Variants in PAN3 observed in about 807,000 individuals in gnomAD.
PAN3 encodes poly(A) specific ribonuclease subunit PAN3.
PAN3 carries 19 observed loss-of-function variants against 96.2 expected under a neutral mutation model. The observed-to-expected ratio is 0.20, with a 90% confidence interval of 0.14 to 0.29. The LOEUF is 0.29. Among genes scored for constraint, PAN3 ranks in the 10% least tolerant of loss-of-function variants. The pLI is 1.00. For synonymous variants in PAN3, 433 were observed against 406.6 expected, an observed-to-expected ratio of 1.06 and a Z score of -0.78; for missense variants, 882 against 1,108.1, an observed-to-expected ratio of 0.80 and a Z score of 2.90.
intron 6 of PAN3, among the ~76,000 whole-genome samples, chr13:28,253,266 T>G (rs766366617): frequency 9.2e-5 from 14 of 152,134 alleles, no homozygotes; most frequent in Admixed American, 2.6e-4. Context: ...AACTACTTGT[T>G]CCTGTAGTGT....
intron 7 of PAN3, among the ~76,000 whole-genome samples, chr13:28,258,586 A>G (rs1195593109): frequency 6.6e-6 from 1 of 152,216 alleles, no homozygotes; most frequent in Non-Finnish European, 1.5e-5. Context: ...TAGTTTGGCC[A>G]CAAAATGCCT....
At chr13:28,190,224 C>T (rs1055751087) in intron 4 of PAN3, among the ~76,000 whole-genome samples, 11 of 152,178 alleles carry the variant, frequency 7.2e-5, no homozygotes, top group Admixed American at 6.5e-5. Context: ...GGATTACAGA[C>T]GTGAGCCACC....
intron 6 of PAN3, among the ~76,000 whole-genome samples, chr13:28,243,838 G>A (rs986149126): frequency 3.9e-5 from 6 of 151,946 alleles, no homozygotes; most frequent in Admixed American, 6.6e-5. Flanking sequence ...ACAGGTGTGC[G>A]CCACCACGCC....
In PAN3 at chr13:28,277,333, C is replaced by CTG; in HGVS notation, c.2147_2148dup (p.Val717TrpfsTer2). ...AGAGAATTTACAGAAAGCCATGGAA[C>CTG]TGGTGACAATCAACTATTCCTCTGA... On this transcript the variant is annotated frameshift_variant, in exon 15 of 19. Coordinates refer to ENST00000380958, the MANE Select transcript of PAN3 (RefSeq NM_175854.8). LOFTEE classifies it high-confidence loss of function. 6.2e-7 allele frequency: 1 copy of CTG among 1,613,346 alleles called. No homozygotes were observed. Among genetic ancestry groups the CTG allele is most frequent in the Non-Finnish European group, 8.5e-7 (1 of 1,179,628 alleles).
chr13:28,231,425 A>G lies in PAN3; in HGVS notation c.1000+11047A>G, dbSNP rs189123603. On this transcript the variant is annotated intron_variant, in intron 6 of 18. Coordinates refer to ENST00000380958, the MANE Select transcript of PAN3 (RefSeq NM_175854.8). ...CAGGTTAAATTCATCATATAAATTG[A>G]CATTATGTGCCTGAGTTTGGTCAAT... Among the ~76,000 whole-genome samples, 391 of 152,318 alleles carry G rather than the reference A, an allele frequency of 2.6e-3. 4 individuals carry two copies. The highest frequency in any genetic ancestry group is 0.01 in the Middle Eastern group (3 of 294).
chr13:28,239,504 T>C lies in PAN3; in HGVS notation c.1001-16788T>C. 3 of 813,606 alleles carry C rather than the reference T, an allele frequency of 3.7e-6. No homozygotes were observed. In the South Asian group the frequency reaches 5.0e-5, roughly 14 times the overall value. The allele number at this position is 813,606 out of a possible 1,614,324, so 50.4% of individuals were successfully genotyped here. A position where few individuals can be genotyped will look rare whatever the true frequency, so the allele number is the denominator to read the frequency against. ...AACTATTTTTTTGGACCCAGTAAGT[T>C]TGTCCTTTCCACTTGGGTGTTGAAA... On this transcript the variant is annotated intron_variant, in intron 6 of 18. Coordinates refer to ENST00000380958, the MANE Select transcript of PAN3 (RefSeq NM_175854.8).
intron 4 of PAN3, among the ~76,000 whole-genome samples, chr13:28,194,546 A>ATGCAACCTC (rs1489928921): frequency 7.4e-5 from 11 of 147,808 alleles, no homozygotes; most frequent in Middle Eastern, 3.6e-3. Flanking sequence ...TCTCGGCTCA[A>ATGCAACCTC]TGCAACCTCT....
rs114545525 is a variant in PAN3 at position 28,202,568 on chromosome 13, T to C, written c.852+5222T>C. Among the ~76,000 whole-genome samples, 1,249 of 152,270 alleles carry C rather than the reference T, an allele frequency of 8.2e-3. 24 individuals are homozygous for C. Among genetic ancestry groups the C allele is most frequent in the African/African-American group, 0.028 (1,182 of 41,554 alleles). ...ATTGTTAACTGAGCCTGAAAAATCTTCCTTCTTTTTCCTTTAAGAGATGGC... is the reference window on the plus strand; with the variant it reads ...ATTGTTAACTGAGCCTGAAAAATCTCCCTTCTTTTTCCTTTAAGAGATGGC... On this transcript the variant is annotated intron_variant, in intron 5 of 18. Coordinates refer to ENST00000380958, the MANE Select transcript of PAN3 (RefSeq NM_175854.8).
intron 14 of PAN3, 118 bp from the exon 15 acceptor site, chr13:28,277,119 G>A (rs754830230): frequency 6.8e-5 from 68 of 1,004,774 alleles, no homozygotes; most frequent in Non-Finnish European, 9.6e-5. Context: ...CAGTATTTGA[G>A]GACCCTGCCT....
At chr13:28,156,157 T>C (rs2137999957) in intron 1 of PAN3, among the ~76,000 whole-genome samples, 1 of 151,942 alleles carries the variant, frequency 6.6e-6, no homozygotes, top group East Asian at 1.9e-4. Flanking sequence ...ATAAGATTGC[T>C]AGACTGCTAA....
At chr13:28,259,466 C>T (rs543685393) in intron 7 of PAN3, among the ~76,000 whole-genome samples, 16 of 151,954 alleles carry the variant, frequency 1.1e-4, no homozygotes, top group South Asian at 8.3e-4. Context: ...CCACCACACC[C>T]GGCTAATTTT....
At chr13:28,139,659 C>G (rs1403849955) in intron 1 of PAN3, among the ~76,000 whole-genome samples, 3 of 151,782 alleles carry the variant, frequency 2.0e-5, no homozygotes, top group Non-Finnish European at 2.9e-5. Context: ...GCAGGAAATG[C>G]TTTCTAAGGA....
At chr13:28,167,851 C>G (rs1873795090) in intron 1 of PAN3, among the ~76,000 whole-genome samples, 1 of 151,910 alleles carries the variant, frequency 6.6e-6, no homozygotes, top group Non-Finnish European at 1.5e-5. Flanking sequence ...AAAAACAAAA[C>G]AAACAAACAA....
At chr13:28,187,147 C>T (rs1161071006) in intron 4 of PAN3, among the ~76,000 whole-genome samples, 6 of 151,616 alleles carry the variant, frequency 4.0e-5, no homozygotes, top group Non-Finnish European at 5.9e-5. Flanking sequence ...GGCAACATGG[C>T]GAAACACTGT....
At chr13:28,226,035 C>T (rs1881970917) in intron 6 of PAN3, among the ~76,000 whole-genome samples, 1 of 152,142 alleles carries the variant, frequency 6.6e-6, no homozygotes. Context: ...ATTGGGAAAA[C>T]AGGAAACTCT....
At chr13:28,150,396 C>T (rs1406679736) in intron 1 of PAN3, among the ~76,000 whole-genome samples, 6 of 152,046 alleles carry the variant, frequency 3.9e-5, no homozygotes, top group Admixed American at 2.6e-4. Flanking sequence ...GAGGCCGAGG[C>T]GGGCAGATCA....
chr13:28,258,292 G>C (rs1194111170), intron 7 of PAN3, among the ~76,000 whole-genome samples: 1 of 151,980 alleles, frequency 6.6e-6, no homozygotes, highest in Non-Finnish European at 1.5e-5. Context: ...GTTTTTAAAA[G>C]AGAAAAAAGG....
intron 18 of PAN3, among the ~76,000 whole-genome samples, chr13:28,289,121 C>T (rs1011811708): frequency 4.6e-5 from 7 of 152,126 alleles, no homozygotes; most frequent in East Asian, 3.9e-4. Context: ...CCACCGCACC[C>T]GGCCTAACTC....
At chr13:28,236,811 GC>G (rs1439161468) in intron 6 of PAN3, among the ~76,000 whole-genome samples, 6 of 152,096 alleles carry the variant, frequency 3.9e-5, no homozygotes, top group African/African-American at 1.4e-4. Context: ...TCCCTTTGTT[GC>G]CCAGCCTGGT....
Sources: allele counts gnomAD v4.1 joint callset (sites outside exome capture counted in the v4.1 genomes callset), GRCh38; gene constraint gnomAD v4.1.1; transcripts MANE v1.5; gene names NCBI Gene and HGNC (gene_info 2026-07-23, HGNC 2026-07-21).